The following PTPRQ variants were observed in gnomAD, a reference collection of about 807,000 sequenced individuals.
PTPRQ encodes the protein protein tyrosine phosphatase receptor type Q, also known as phosphatidylinositol phosphatase PTPRQ.
PTPRQ carries 199 observed loss-of-function variants against 246.0 expected under a neutral mutation model. The observed-to-expected ratio is 0.81, with a 90% CI of 0.72 to 0.91. The LOEUF (loss-of-function observed/expected upper bound fraction) is 0.91, where lower values mean the gene tolerates loss of function less well. PTPRQ is among the 40% of genes least tolerant of loss of function. PTPRQ has a pLI of 0.00. For missense variants in PTPRQ, 2,624 were observed against 2,528.4 expected (o/e 1.04, Z -0.81); for synonymous variants, 869 against 853.2 (o/e 1.02, Z -0.32).
At chr12:80,524,461 C>T (rs1009297840) in intron 17 of PTPRQ, among the ~76,000 whole-genome samples, 3 of 152,074 alleles carry the variant, frequency 2.0e-5, no homozygotes, top group Non-Finnish European at 4.4e-5. Context: ...TATGAATTAC[C>T]AGTCTCAGGT....
Position 80,541,820 on chromosome 12 carries a change from G to A in PTPRQ, c.3420G>A (p.Gln1140=). 6.5e-7 allele frequency: 1 copy of A among 1,547,962 alleles called. No individual in the cohort carries two copies. Among genetic ancestry groups the A allele is most frequent in the Admixed American group, 2.0e-5 (1 of 50,530 alleles). ...GATTCTCTGATACCTATACTGCCCA[G>A]CTATACATCAAGACTGAAGAAGATG... ...EKGFSDTYTA[Q]LYIKTEEDVP... The change falls in exon 21 of 45, where the codon CAG becomes CAA. Residue 1140 remains glutamine (Q), a synonymous_variant. Coordinates refer to ENST00000644991, the MANE Select transcript of PTPRQ (RefSeq NM_001145026.2).
chr12:80,521,612 A>C (rs1368226910), intron 17 of PTPRQ, among the ~76,000 whole-genome samples: 1 of 152,124 alleles, frequency 6.6e-6, no homozygotes, highest in Non-Finnish European at 1.5e-5. Flanking sequence ...CCATTTATTA[A>C]ATAGGGAATC....
Position 80,610,638 on chromosome 12 carries a change from T to A in PTPRQ, c.4918+13T>A. 1.3e-6 allele frequency: 2 copies of A among 1,539,558 alleles called. No homozygotes were observed. Among genetic ancestry groups the A allele is most frequent in the Non-Finnish European group, 1.8e-6 (2 of 1,139,580 alleles). The stretch of plus-strand genomic sequence containing the variant: ...ACTTTAGAATCAGGTAAGGAGAATT[T>A]CTCAACCTTGCTAAAAATTGACTGA... On this transcript the variant is annotated intron_variant, in intron 28 of 44. Coordinates refer to ENST00000644991, the MANE Select transcript of PTPRQ (RefSeq NM_001145026.2).
At chr12:80,490,332 T>C (rs1034731311) in intron 9 of PTPRQ, among the ~76,000 whole-genome samples, 3 of 151,998 alleles carry the variant, frequency 2.0e-5, no homozygotes, top group African/African-American at 7.2e-5. Context: ...GACCCCAAAC[T>C]GATAGATGTG....
chr12:80,445,544 C>T lies in PTPRQ; in HGVS notation c.217C>T (p.Leu73Phe), dbSNP rs1287917365. The T allele has an allele frequency of 6.5e-7, 1 of 1,549,344 alleles. No individual in the cohort carries two copies. Among genetic ancestry groups the T allele is most frequent in the South Asian group, 1.2e-5 (1 of 83,946 alleles). ...GGAAAGAGTCGGATCTGCTGGGATT[C>T]TTCTGTCTTGGAATACACCACCTAA... ...AGERVGSAGI[L>F]LSWNTPPNPN... Residue 73 changes from leucine (L) to phenylalanine (F), a missense_variant, in exon 3 of 45, where the codon CTT becomes TTT. Leu to Phe is a conservative substitution (Grantham distance 22). Coordinates refer to ENST00000644991, the MANE Select transcript of PTPRQ (RefSeq NM_001145026.2).
In PTPRQ at chr12:80,632,923, G is replaced by A. The variant is rs2121171278; in HGVS notation, c.5786+632G>A. On this transcript the variant is annotated intron_variant, in intron 34 of 44. Coordinates refer to ENST00000644991, the MANE Select transcript of PTPRQ (RefSeq NM_001145026.2). ...TGGCATGGGCAGAACGTTCACTTCAGAGGCAACAAGAGCTCATCCAAGTGA... is the reference window on the plus strand; with the variant it reads ...TGGCATGGGCAGAACGTTCACTTCAAAGGCAACAAGAGCTCATCCAAGTGA... Among the ~76,000 whole-genome samples, 3 of 152,296 alleles carry A rather than the reference G, an allele frequency of 2.0e-5. No individual in the cohort carries two copies. In the South Asian group the frequency reaches 6.2e-4, roughly 32 times the overall value.
chr12:80,642,101 T>C (rs1004766647), intron 35 of PTPRQ, among the ~76,000 whole-genome samples: 3 of 152,284 alleles, frequency 2.0e-5, no homozygotes, highest in African/African-American at 7.2e-5. Context: ...CTAAACTTAA[T>C]CATTTGTGTT....
At chr12:80,654,821 T>C (rs1177393612) in intron 38 of PTPRQ, among the ~76,000 whole-genome samples, 4 of 151,872 alleles carry the variant, frequency 2.6e-5, no homozygotes, top group African/African-American at 7.3e-5. Context: ...GATCGCACCA[T>C]TGCATTCCAT....
At chr12:80,522,203 C>A (rs1384504730) in intron 17 of PTPRQ, among the ~76,000 whole-genome samples, 1 of 152,116 alleles carries the variant, frequency 6.6e-6, no homozygotes, top group African/African-American at 2.4e-5. Context: ...GATTTTTGTA[C>A]ATTGATTTTG....
intron 37 of PTPRQ, among the ~76,000 whole-genome samples, chr12:80,651,492 G>T (rs937725028): frequency 6.6e-6 from 1 of 151,990 alleles, no homozygotes; most frequent in Non-Finnish European, 1.5e-5. Context: ...TGCAAAAACG[G>T]TCTAACTCAT....
intron 8 of PTPRQ, among the ~76,000 whole-genome samples, chr12:80,482,194 A>T (rs1018076799): frequency 6.6e-6 from 1 of 150,392 alleles, no homozygotes; most frequent in African/African-American, 2.4e-5. Context: ...TCAATGGAAC[A>T]GAACAGAGCC....
intron 9 of PTPRQ, among the ~76,000 whole-genome samples, chr12:80,486,835 C>G (rs984108097): frequency 3.9e-5 from 6 of 152,110 alleles, no homozygotes; most frequent in Non-Finnish European, 5.9e-5. Flanking sequence ...TTTTAACCAC[C>G]CTTGTGTTCT....
At chr12:80,478,661 C>G (rs1025158960) in intron 8 of PTPRQ, among the ~76,000 whole-genome samples, 1 of 151,996 alleles carries the variant, frequency 6.6e-6, no homozygotes, top group Admixed American at 6.6e-5. Flanking sequence ...CTAGAATAAC[C>G]AATACAGAGA....
At chr12:80,588,602 T>TCAAC in intron 26 of PTPRQ, 150 bp downstream of exon 26, 1 of 972,732 alleles carries the variant, frequency 1.0e-6, no homozygotes, top group Non-Finnish European at 1.3e-6. Context: ...ATATTTAGTT[T>TCAAC]TAATTTAGTT....
chr12:80,495,495 G>T, intron 12 of PTPRQ, 124 bp downstream of exon 12: 1 of 1,241,332 alleles, frequency 8.1e-7, no homozygotes, highest in East Asian at 3.0e-5. Flanking sequence ...TTCATATTTT[G>T]TTGTTTTGTG....
At chr12:80,637,757 A>G (rs1899710651) in intron 35 of PTPRQ, among the ~76,000 whole-genome samples, 2 of 152,216 alleles carry the variant, frequency 1.3e-5, no homozygotes, top group African/African-American at 2.4e-5. Context: ...CTGCATGTAC[A>G]TATGAGTGGA....
chr12:80,476,326 CA>C (rs369174251), intron 8 of PTPRQ, among the ~76,000 whole-genome samples: 1 of 152,188 alleles, frequency 6.6e-6, no homozygotes, highest in African/African-American at 2.4e-5. Context: ...GCTCTAGGTA[CA>C]ATATATTTTA....
chr12:80,473,043 A>ACGCGCG (rs1555185225), intron 8 of PTPRQ, among the ~76,000 whole-genome samples: 2 of 65,396 alleles, frequency 3.1e-5, no homozygotes, highest in Non-Finnish European at 5.0e-5. Flanking sequence ...ACACTCACAC[A>ACGCGCG]CACGCACACA....
intron 25 of PTPRQ, among the ~76,000 whole-genome samples, chr12:80,573,854 A>G (rs961774430): frequency 2.0e-5 from 3 of 152,056 alleles, no homozygotes; most frequent in African/African-American, 7.2e-5. Flanking sequence ...TCGATTTCTG[A>G]TCATTATGAT....
Sources: gnomAD v4.1 joint callset for allele counts (sites outside exome capture counted in the v4.1 genomes callset) on GRCh38, gnomAD v4.1.1 for gene constraint, MANE v1.5 for transcripts, NCBI Gene and HGNC (gene_info 2026-07-23, HGNC 2026-07-21) for gene names.